Variants in TDRD3 observed in about 807,000 individuals in gnomAD.
TDRD3 encodes tudor domain-containing protein 3.
A neutral mutation model predicts 86.7 loss-of-function variants in TDRD3; 45 were observed. The ratio of observed to expected loss-of-function variants is 0.52; its 90% CI spans 0.41 to 0.67. The LOEUF is 0.67. Ranked by LOEUF, TDRD3 falls within the 30% of genes least tolerant of loss-of-function variation. The pLI is 0.00. For missense variants in TDRD3, 814 were observed against 889.0 expected (o/e 0.92, Z 1.07); for synonymous variants, 298 against 301.7 (o/e 0.99, Z 0.13).
intron 4 of TDRD3, among the ~76,000 whole-genome samples, chr13:60,464,068 T>G (rs1414136041): frequency 6.6e-6 from 1 of 152,186 alleles, no homozygotes; most frequent in African/African-American, 2.4e-5. Flanking sequence ...TCTTTTCATG[T>G]GATCTGCATA....
At chr13:60,551,957 C>G (rs975768026) in intron 12 of TDRD3, among the ~76,000 whole-genome samples, 1 of 152,132 alleles carries the variant, frequency 6.6e-6, no homozygotes, top group African/African-American at 2.4e-5. Flanking sequence ...CCCGCCAGGT[C>G]TCTCCCTCGA....
intron 8 of TDRD3, among the ~76,000 whole-genome samples, chr13:60,499,702 GA>G (rs1956793191): frequency 1.3e-5 from 2 of 152,296 alleles, no homozygotes; most frequent in South Asian, 4.1e-4. Flanking sequence ...TCTGCCTCAG[GA>G]AAATTTCTAG....
chr13:60,420,157 C>T (rs1220988854), intron 1 of TDRD3, among the ~76,000 whole-genome samples: 1 of 151,728 alleles, frequency 6.6e-6, no homozygotes, highest in Non-Finnish European at 1.5e-5. Flanking sequence ...GTAATTATTT[C>T]CATAAAGGTT....
intron 2 of TDRD3, 82 bp downstream of exon 2, chr13:60,439,854 A>G (rs1281137080): frequency 3.5e-6 from 3 of 852,882 alleles, no homozygotes; most frequent in Non-Finnish European, 5.3e-6. Context: ...ATTGGGTTAT[A>G]TGATAACAAA....
At chr13:60,421,638 TA>T (rs1954662573) in intron 1 of TDRD3, among the ~76,000 whole-genome samples, 1 of 152,212 alleles carries the variant, frequency 6.6e-6, no homozygotes, top group Non-Finnish European at 1.5e-5. Flanking sequence ...ACTTCACACC[TA>T]AGCAAAATCT....
intron 3 of TDRD3, among the ~76,000 whole-genome samples, chr13:60,451,751 T>C (rs1200882824): frequency 6.6e-6 from 1 of 152,190 alleles, no homozygotes; most frequent in Non-Finnish European, 1.5e-5. Flanking sequence ...TGAGATTCAA[T>C]TGAGCCATAT....
At chr13:60,431,062 A>G (rs560490649) in intron 1 of TDRD3, among the ~76,000 whole-genome samples, 12 of 152,096 alleles carry the variant, frequency 7.9e-5, no homozygotes, top group Non-Finnish European at 1.8e-4. Context: ...AATTGTCTTA[A>G]TATATCTAAT....
intron 3 of TDRD3, among the ~76,000 whole-genome samples, chr13:60,447,854 C>T (rs1214589720): frequency 2.6e-5 from 4 of 152,182 alleles, no homozygotes; most frequent in South Asian, 2.1e-4. Flanking sequence ...CAACATGTTG[C>T]GGGGAGGAGG....
At chr13:60,434,483 A>AAT (rs1209234708) in intron 1 of TDRD3, among the ~76,000 whole-genome samples, 5 of 151,332 alleles carry the variant, frequency 3.3e-5, no homozygotes, top group Admixed American at 6.6e-5. Flanking sequence ...AAAAAAAAAA[A>AAT]TTGAGCACTT....
chr13:60,404,087 T>C (rs1954170493), intron 1 of TDRD3, among the ~76,000 whole-genome samples: 1 of 152,208 alleles, frequency 6.6e-6, no homozygotes, highest in African/African-American at 2.4e-5. Flanking sequence ...CTTGGGAAGG[T>C]TGGAAGCCTT....
chr13:60,443,617 A>G (rs1955333611), intron 2 of TDRD3, among the ~76,000 whole-genome samples: 1 of 151,930 alleles, frequency 6.6e-6, no homozygotes, highest in Admixed American at 6.6e-5. Flanking sequence ...AGGTGTTAAA[A>G]GAAGATGGTC....
intron 1 of TDRD3, among the ~76,000 whole-genome samples, chr13:60,420,181 TAAC>T (rs543442625): frequency 6.6e-6 from 1 of 152,058 alleles, no homozygotes. Context: ...GTTTTTTACC[TAAC>T]AACAACAACA....
At chr13:60,403,303 A>G (rs1449921618) in intron 1 of TDRD3, among the ~76,000 whole-genome samples, 1 of 152,236 alleles carries the variant, frequency 6.6e-6, no homozygotes, top group African/African-American at 2.4e-5. Context: ...AAAATTGCAT[A>G]GTAACATTTT....
At chr13:60,452,284 G>T (rs796133888) in intron 3 of TDRD3, among the ~76,000 whole-genome samples, 28 of 151,908 alleles carry the variant, frequency 1.8e-4, no homozygotes, top group African/African-American at 6.3e-4. Context: ...TATTGTAAAT[G>T]GTGTTTAAAA....
intron 1 of TDRD3, among the ~76,000 whole-genome samples, chr13:60,417,588 T>G (rs1409132502): frequency 6.6e-6 from 1 of 152,122 alleles, no homozygotes; most frequent in Non-Finnish European, 1.5e-5. Flanking sequence ...GTGATCCACC[T>G]GCCTCGGCCT....
At chr13:60,396,158 G>C (rs1953895916), upstream of TDRD3, among the ~76,000 whole-genome samples, 1 of 152,186 alleles carries the variant, frequency 6.6e-6, no homozygotes, top group Non-Finnish European at 1.5e-5. Context: ...TTTTGATGAT[G>C]CCCTTAGAAG....
chr13:60,567,173 T>C (rs1372623604), intron 12 of TDRD3, among the ~76,000 whole-genome samples: 1 of 152,240 alleles, frequency 6.6e-6, no homozygotes, highest in Non-Finnish European at 1.5e-5. Context: ...ATTATAATGC[T>C]TGCTTTTCTG....
chr13:60,479,224 T>A (rs1341299836), intron 5 of TDRD3, among the ~76,000 whole-genome samples: 1 of 152,226 alleles, frequency 6.6e-6, no homozygotes, highest in Non-Finnish European at 1.5e-5. Context: ...TTTCAGATAA[T>A]TTTTTGATTT....
chr13:60,424,249 C>T (rs1448644146), intron 1 of TDRD3, among the ~76,000 whole-genome samples: 1 of 152,040 alleles, frequency 6.6e-6, no homozygotes, highest in East Asian at 2.0e-4. Context: ...TCTGGATCTC[C>T]TGACCTCGTG....
Sources: allele counts gnomAD v4.1 joint callset (sites outside exome capture counted in the v4.1 genomes callset), GRCh38; gene constraint gnomAD v4.1.1; transcripts MANE v1.5; gene names NCBI Gene and HGNC (gene_info 2026-07-23, HGNC 2026-07-21).